INSYN2B: variants seen among roughly 807,000 people sequenced by gnomAD.
INSYN2B encodes inhibitory synaptic factor family member 2B.
Under a neutral mutation model 41.2 loss-of-function variants are expected in INSYN2B, and 16 were observed. The observed-to-expected ratio is 0.39, with a 90% CI of 0.26 to 0.59. INSYN2B has a LOEUF of 0.59. Among genes scored for constraint, INSYN2B ranks in the 20% least tolerant of loss-of-function variants. The probability of loss-of-function intolerance (pLI) is 0.57; values close to 1 mark genes in which losing one functional copy is unlikely to be tolerated. For missense variants in INSYN2B, 608 were observed against 646.4 expected (o/e 0.94, Z 0.64); for synonymous variants, 245 against 244.4 (o/e 1.00, Z -0.02).
chr5:169,929,040 T>C (rs573380099), intron 1 of INSYN2B, among the ~76,000 whole-genome samples: 9 of 152,286 alleles, frequency 5.9e-5, no homozygotes, highest in Non-Finnish European at 1.2e-4. Flanking sequence ...GAAGAGCAGA[T>C]GGAAAGCTTG....
At position 169,954,771 on chromosome 5, in the gene INSYN2B, G is replaced by C. The variant is rs143277629; in HGVS notation, c.-919+25506C>G. On this transcript the variant is annotated intron_variant, in intron 1 of 3. Transcript: ENST00000377365. ...TTCAAGGAGTGGCTCTCAAAACCCAGGGGAGTGACCTCATGAGAGGTCAAC... is the reference window on the plus strand; with the variant it reads ...TTCAAGGAGTGGCTCTCAAAACCCACGGGAGTGACCTCATGAGAGGTCAAC... Among the ~76,000 whole-genome samples the C allele has an allele frequency of 7.7e-3, 1,179 of 152,304 alleles. 7 individuals are homozygous for C. The highest frequency in any genetic ancestry group is 0.011 in the Admixed American group (170 of 15,290).
chr5:169,939,682 C>G (rs1353480590), intron 1 of INSYN2B, among the ~76,000 whole-genome samples: 1 of 152,128 alleles, frequency 6.6e-6, no homozygotes, highest in Non-Finnish European at 1.5e-5. Context: ...CAGCTCCATT[C>G]CGTCATTGAC....
chr5:169,918,684 G>A (rs1020334508), intron 1 of INSYN2B, among the ~76,000 whole-genome samples: 2 of 152,174 alleles, frequency 1.3e-5, no homozygotes, highest in African/African-American at 2.4e-5. Flanking sequence ...AGGCCGAGGC[G>A]AGAGGATCAC....
intron 1 of INSYN2B, among the ~76,000 whole-genome samples, chr5:169,931,628 C>G (rs1775759461): frequency 6.6e-6 from 1 of 152,174 alleles, no homozygotes; most frequent in Admixed American, 6.5e-5. Flanking sequence ...GATCTCTGAG[C>G]CTGCTTCCTT....
At chr5:169,900,886 C>T (rs76906565) in intron 1 of INSYN2B, among the ~76,000 whole-genome samples, 10,728 of 152,020 alleles carry the variant, frequency 0.071, 427 homozygotes, top group South Asian at 0.14. Context: ...AGCAAATCAT[C>T]GATTAGGAGT....
chr5:169,971,772 T>G (rs1458333652), intron 1 of INSYN2B, among the ~76,000 whole-genome samples: 1 of 152,256 alleles, frequency 6.6e-6, no homozygotes, highest in African/African-American at 2.4e-5. Flanking sequence ...TACCTACAAA[T>G]TGAGGATCAA....
intron 3 of INSYN2B, 128 bp from the exon 4 acceptor site, chr5:169,864,587 T>G: frequency 8.3e-6 from 6 of 718,900 alleles, no homozygotes; most frequent in Non-Finnish European, 1.3e-5. Flanking sequence ...CTTAGGTACC[T>G]ACTGGCTCTT....
intron 1 of INSYN2B, among the ~76,000 whole-genome samples, chr5:169,976,882 G>A (rs990932392): frequency 1.3e-5 from 2 of 152,192 alleles, no homozygotes; most frequent in African/African-American, 4.8e-5. Flanking sequence ...CATCCAAGTG[G>A]CATCTTTCTG....
At chr5:169,866,655 G>T (rs1381289344) in intron 3 of INSYN2B, among the ~76,000 whole-genome samples, 1 of 152,220 alleles carries the variant, frequency 6.6e-6, no homozygotes, top group Non-Finnish European at 1.5e-5. Flanking sequence ...GCTGGCATCA[G>T]TAGCTGTTAG....
chr5:169,880,641 C>T (rs1284030208), intron 3 of INSYN2B, among the ~76,000 whole-genome samples: 1 of 152,128 alleles, frequency 6.6e-6, no homozygotes, highest in Admixed American at 6.5e-5. Flanking sequence ...TTTGCAGTTA[C>T]AAAACACATT....
At chr5:169,954,489 G>A (rs1776786599) in intron 1 of INSYN2B, among the ~76,000 whole-genome samples, 1 of 152,164 alleles carries the variant, frequency 6.6e-6, no homozygotes, top group Non-Finnish European at 1.5e-5. Context: ...AGTCAGGCAG[G>A]GACCAGAAAG....
chr5:169,881,605 GCTCACATGTCTAGAAGGCT>G (rs1772659377), intron 2 of INSYN2B, among the ~76,000 whole-genome samples, 163 bp from the exon 3 acceptor site: 1 of 152,186 alleles, frequency 6.6e-6, no homozygotes, highest in Non-Finnish European at 1.5e-5. Context: ...GACAATAGGA[GCTCACATGTCTAGAAGGCT>G]TTATACGTGT....
chr5:169,926,815 T>C lies in INSYN2B; in HGVS notation c.-918-41999A>G, dbSNP rs367956256. Among the ~76,000 whole-genome samples the C allele has an allele frequency of 1.9e-4, 29 of 152,322 alleles. No homozygotes were observed. The South Asian group carries it at 2.1e-3, about 11-fold the overall frequency. On this transcript the variant is annotated intron_variant, in intron 1 of 3. Transcript: ENST00000377365. Reference sequence around the variant, plus strand: ...TGAGCTTTTACTGCATCTCAGGCACTGCAGTGGAAACACAGGATGAACTAG... The same window carrying C: ...TGAGCTTTTACTGCATCTCAGGCACCGCAGTGGAAACACAGGATGAACTAG...
chr5:169,931,736 G>A (rs746007037), intron 1 of INSYN2B, among the ~76,000 whole-genome samples: 1 of 152,132 alleles, frequency 6.6e-6, no homozygotes, highest in Non-Finnish European at 1.5e-5. Flanking sequence ...ATGGGAGAAG[G>A]TGGCTGGCAC....
At chr5:169,948,481 CTA>C (rs1386967715) in intron 1 of INSYN2B, among the ~76,000 whole-genome samples, 1 of 152,112 alleles carries the variant, frequency 6.6e-6, no homozygotes, top group Non-Finnish European at 1.5e-5. Flanking sequence ...CTCTCTCTCT[CTA>C]TCTGTATATC....
At chr5:169,866,382 C>A (rs1476010191) in intron 3 of INSYN2B, among the ~76,000 whole-genome samples, 1 of 152,188 alleles carries the variant, frequency 6.6e-6, no homozygotes, top group African/African-American at 2.4e-5. Context: ...TTGGGGAAGT[C>A]ATTTCCCACT....
chr5:169,927,940 G>C (rs1277176531), intron 1 of INSYN2B, among the ~76,000 whole-genome samples: 23 of 152,202 alleles, frequency 1.5e-4, no homozygotes, highest in Admixed American at 1.4e-3. Context: ...TTCAGGGCTG[G>C]ATGATGAGAT....
chr5:169,917,293 T>G (rs1258184149), intron 1 of INSYN2B, among the ~76,000 whole-genome samples: 1 of 152,216 alleles, frequency 6.6e-6, no homozygotes, highest in African/African-American at 2.4e-5. Context: ...TCATCTCCCA[T>G]GACACCCAAG....
At chr5:169,968,528 G>T (rs926804440) in intron 1 of INSYN2B, among the ~76,000 whole-genome samples, 4 of 152,154 alleles carry the variant, frequency 2.6e-5, no homozygotes, top group African/African-American at 7.2e-5. Context: ...TGTTCAGGGG[G>T]CCCAAGTGTT....
Sources: gnomAD v4.1 joint callset for allele counts (sites outside exome capture counted in the v4.1 genomes callset) on GRCh38, gnomAD v4.1.1 for gene constraint, MANE v1.5 for transcripts, NCBI Gene and HGNC (gene_info 2026-07-23, HGNC 2026-07-21) for gene names.